HESX1: variants seen among roughly 807,000 people sequenced by gnomAD.
HESX1 encodes the protein HESX homeobox 1, also known as homeobox expressed in ES cells 1.
Under a neutral mutation model 22.5 loss-of-function variants are expected in HESX1, and 11 were observed. The ratio of observed to expected loss-of-function variants is 0.49; its 90% confidence interval spans 0.31 to 0.81. The LOEUF (loss-of-function observed/expected upper bound fraction) is 0.81. Ranked by LOEUF, HESX1 falls within the 30% of genes least tolerant of loss-of-function variation. The pLI is 0.05. For missense variants in HESX1, 201 were observed against 212.6 expected (o/e 0.95, Z 0.34); for synonymous variants, 74 against 76.5 (o/e 0.97, Z 0.17).
chr3:57,203,360 T>C (rs2060501084), upstream of HESX1, among the ~76,000 whole-genome samples: 1 of 152,064 alleles, frequency 6.6e-6, no homozygotes. Flanking sequence ...TGGAGAGAAG[T>C]GCAATTCTTT....
chr3:57,218,883 T>A (rs2048771934), intron 1 of HESX1, among the ~76,000 whole-genome samples: 1 of 152,242 alleles, frequency 6.6e-6, no homozygotes. Context: ...ACCATTCACA[T>A]GCATGTACCT....
chr3:57,198,519 G>A (rs1315277190), intron 2 of HESX1, 27 bp from the exon 3 acceptor site: 2 of 1,352,182 alleles, frequency 1.5e-6, no homozygotes, highest in South Asian at 2.4e-5. Context: ...TTGATATTCA[G>A]TATGTCTCCA....
Position 57,198,770 on chromosome 3 carries a change from C to T in HESX1, c.340G>A (p.Ala114Thr), listed in dbSNP as rs768706335. ...CTTCCCACCTGGTTTTGAGTAAAAG[C>T]AGTTCTTGGTCTTCGGCCTCTATAC... The part of the protein sequence containing the change: ...SWYRGRRPRT[A>T]FTQNQIEVLE... The change falls in exon 2 of 4, where the codon GCT (alanine) becomes ACT (threonine). Residue 114 changes from alanine (A) to threonine (T), a missense_variant. Ala to Thr is a moderately conservative substitution (Grantham distance 58). Coordinates refer to ENST00000295934, the MANE Select transcript of HESX1 (RefSeq NM_003865.3). 2.5e-6 allele frequency: 4 copies of T among 1,613,852 alleles called. No homozygotes were observed. The highest frequency in any genetic ancestry group is 3.3e-5 in the Admixed American group (2 of 59,986).
upstream of HESX1, among the ~76,000 whole-genome samples, chr3:57,201,875 A>ATATC (rs759735344): frequency 0.1 from 13,474 of 131,728 alleles, 649 homozygotes; most frequent in Middle Eastern, 0.16. Context: ...CTATCTATCT[A>ATATC]TATCTATCTA....
In HESX1 at chr3:57,199,013, T is replaced by C. The variant is rs1367846858; in HGVS notation, c.158-61A>G. 25 of 1,457,832 alleles carry C rather than the reference T, an allele frequency of 1.7e-5. No individual in the cohort carries two copies. In the East Asian group the frequency reaches 2.3e-4, roughly 13 times the overall value. The allele number at this position is 1,457,832 out of a possible 1,614,324, so 90.3% of individuals were successfully genotyped here. ...CAATCTTATGTTCCACAAAGTTCTA[T>C]AGAGGTAGTTTCAGGAACTCATCTT... On this transcript the variant is annotated intron_variant, in intron 1 of 3. Coordinates refer to ENST00000295934, the MANE Select transcript of HESX1 (RefSeq NM_003865.3).
At chr3:57,217,269 T>C (rs1264917672) in intron 1 of HESX1, among the ~76,000 whole-genome samples, 11 of 152,196 alleles carry the variant, frequency 7.2e-5, no homozygotes, top group Non-Finnish European at 1.5e-4. Flanking sequence ...GTGATACATA[T>C]ACACGTTTAC....
chr3:57,221,215 T>C (rs1436429046), intron 1 of HESX1, among the ~76,000 whole-genome samples: 5 of 151,460 alleles, frequency 3.3e-5, no homozygotes, highest in South Asian at 2.1e-4. Context: ...GTGCAGCCTG[T>C]ACTCCATGGC....
chr3:57,224,408 G>C (rs187558621), intron 1 of HESX1, among the ~76,000 whole-genome samples: 2 of 152,160 alleles, frequency 1.3e-5, no homozygotes, highest in Admixed American at 1.3e-4. Flanking sequence ...AAAGTGCTAG[G>C]ATTACAAGCA....
In HESX1 at chr3:57,198,257, G is replaced by A. The variant is rs1367550537; in HGVS notation, c.498C>T (p.Ser166=). The A allele has an allele frequency of 2.5e-6, 4 of 1,613,032 alleles. No individual in the cohort carries two copies. Among genetic ancestry groups the A allele is most frequent in the African/African-American group, 2.7e-5 (2 of 74,788 alleles). ...FQNRRAKLKR[S]HRESQFLMAK... ...CCATTAGAAACTGTGATTCTCTATG[G>A]GACCTTTTCAGTTTTGCACGCCGAT... Residue 166 remains serine, a synonymous_variant, in exon 4 of 4, where the codon TCC becomes TCT. Coordinates refer to ENST00000295934, the MANE Select transcript of HESX1 (RefSeq NM_003865.3).
At chr3:57,219,355 G>T (rs547679636) in intron 1 of HESX1, among the ~76,000 whole-genome samples, 1 of 151,830 alleles carries the variant, frequency 6.6e-6, no homozygotes, top group East Asian at 1.9e-4. Context: ...GTGTCTGTTC[G>T]TGTCCTTTGC....
chr3:57,199,979 AGGGCT>A, upstream of HESX1: 1 of 1,479,464 alleles, frequency 6.8e-7, no homozygotes, highest in South Asian at 1.1e-5. Flanking sequence ...CCACGTGTAT[AGGGCT>A]GGGATCTTCC....
At chr3:57,208,988 A>G (rs562502175) in intron 1 of HESX1, among the ~76,000 whole-genome samples, 1 of 152,204 alleles carries the variant, frequency 6.6e-6, no homozygotes, top group South Asian at 2.1e-4. Context: ...TGCATAAAAC[A>G]TAAAATGGAT....
At chr3:57,213,195 C>T (rs2060565769) in intron 1 of HESX1, among the ~76,000 whole-genome samples, 3 of 152,156 alleles carry the variant, frequency 2.0e-5, no homozygotes, top group Admixed American at 2.0e-4. Context: ...CAATTTTTTA[C>T]TATACCATTT....
chr3:57,215,346 A>G (rs2060577084), intron 1 of HESX1, among the ~76,000 whole-genome samples: 1 of 152,206 alleles, frequency 6.6e-6, no homozygotes, highest in South Asian at 2.1e-4. Context: ...AAAAGTAGGG[A>G]TAGAAAAGAG....
At chr3:57,227,344 G>A (rs977252115), upstream of HESX1, among the ~76,000 whole-genome samples, 1 of 152,220 alleles carries the variant, frequency 6.6e-6, no homozygotes, top group Non-Finnish European at 1.5e-5. Flanking sequence ...GACGCTTCGA[G>A]CGGAGTTGGG....
Position 57,198,069 on chromosome 3 carries a change from T to C in HESX1, c.*128A>G. ...ATGCTATAATAGTATTTACAATATATTTTCAGAAAAAATGACAATATTCAG... is the reference window on the plus strand; with the variant it reads ...ATGCTATAATAGTATTTACAATATACTTTCAGAAAAAATGACAATATTCAG... On this transcript the variant is annotated 3_prime_UTR_variant, in exon 4 of 4. Coordinates refer to ENST00000295934, the MANE Select transcript of HESX1 (RefSeq NM_003865.3). 1 of 721,256 alleles carries C rather than the reference T, an allele frequency of 1.4e-6. No individual in the cohort carries two copies. The allele number at this position is 721,256 out of a possible 1,614,324, so 44.7% of individuals were successfully genotyped here. A position where few individuals can be genotyped will look rare whatever the true frequency, so the allele number is the denominator to read the frequency against.
chr3:57,198,445 G>C lies in HESX1; in HGVS notation c.405C>G (p.Ile135Met), dbSNP rs190201411. 1 of 1,606,512 alleles carries C rather than the reference G, an allele frequency of 6.2e-7. No individual in the cohort carries two copies. The highest frequency in any genetic ancestry group is 8.5e-7 in the Non-Finnish European group (1 of 1,173,940). Reference protein sequence around the residue: ...NVFRVNCYPGIDIREDLAQKL... With the variant: ...NVFRVNCYPGMDIREDLAQKL... The stretch of plus-strand genomic sequence containing the variant: ...TTTGAGCTAAGTCTTCTCTAATATC[G>C]ATACCAGGATAGCAGTTTACTCTAA... The change falls in exon 3 of 4, where the codon ATC (isoleucine) becomes ATG (methionine). Residue 135 changes from isoleucine to methionine, a missense_variant. Transcript: ENST00000295934.
chr3:57,226,034 C>T (rs375053216), intron 1 of HESX1, among the ~76,000 whole-genome samples: 2 of 151,976 alleles, frequency 1.3e-5, no homozygotes, highest in Non-Finnish European at 2.9e-5. Context: ...CACGCCACCA[C>T]GCCCGGCTAA....
intron 1 of HESX1, among the ~76,000 whole-genome samples, chr3:57,225,881 CTTTTT>C (rs540522007): frequency 3.0e-5 from 4 of 132,126 alleles, no homozygotes; most frequent in South Asian, 2.4e-4. Context: ...CTTTTCTTTT[CTTTTT>C]TTTTTTTTTT....
Sources: gnomAD v4.1 joint callset for allele counts (sites outside exome capture counted in the v4.1 genomes callset) on GRCh38, gnomAD v4.1.1 for gene constraint, MANE v1.5 for transcripts, NCBI Gene and HGNC (gene_info 2026-07-23, HGNC 2026-07-21) for gene names.